CEP192: variants seen among roughly 807,000 people sequenced by gnomAD.
CEP192 encodes centrosomal protein of 192 kDa.
A neutral mutation model predicts 271.8 loss-of-function variants in CEP192; 151 were observed. The observed-to-expected ratio is 0.56, with a 90% confidence interval of 0.49 to 0.64. CEP192 has a LOEUF of 0.64. Among genes scored for constraint, CEP192 ranks in the 30% least tolerant of loss-of-function variants. The pLI is 0.00. For missense variants in CEP192, 2,910 were observed against 3,020.5 expected (o/e 0.96, Z 0.86); for synonymous variants, 995 against 1,076.5 (o/e 0.92, Z 1.48).
chr18:13,107,514 C>CTGATGGACAG (rs1568429822), intron 40 of CEP192, among the ~76,000 whole-genome samples: 4 of 152,168 alleles, frequency 2.6e-5, no homozygotes, highest in Non-Finnish European at 2.9e-5. Flanking sequence ...GCTTGGTTTT[C>CTGATGGACAG]ATTAGCTCCA....
chr18:13,035,473 C>T (rs1452037804), intron 11 of CEP192, among the ~76,000 whole-genome samples: 1 of 152,122 alleles, frequency 6.6e-6, no homozygotes, highest in South Asian at 2.1e-4. Flanking sequence ...CATCAGATCT[C>T]GTGAGACTTA....
chr18:13,093,669 C>T (rs545352595), intron 34 of CEP192, among the ~76,000 whole-genome samples: 7 of 152,338 alleles, frequency 4.6e-5, no homozygotes, highest in African/African-American at 1.4e-4. Context: ...TGCTACATGG[C>T]TTACCCGAAA....
chr18:13,003,820 G>A (rs2033811848), intron 3 of CEP192, among the ~76,000 whole-genome samples: 1 of 152,088 alleles, frequency 6.6e-6, no homozygotes, highest in Non-Finnish European at 1.5e-5. Context: ...CCACTCTCGC[G>A]GTTATGTGGA....
chr18:13,049,563 T>C lies in CEP192; in HGVS notation c.2772T>C (p.Cys924=). The C allele has an allele frequency of 6.2e-7, 1 of 1,613,984 alleles. No homozygotes were observed. Among genetic ancestry groups the C allele is most frequent in the Non-Finnish European group, 8.5e-7 (1 of 1,180,008 alleles). Residue 924 remains cysteine (C), a synonymous_variant, in exon 16 of 45, where the codon TGT becomes TGC. Coordinates refer to ENST00000506447, the MANE Select transcript of CEP192 (RefSeq NM_032142.4). ...RITSLCLLKD[C]EEIRDNRENQ... Reference sequence around the variant, plus strand: ...CATCCCTTTGTCTGTTAAAAGACTGTGAAGAAATACGAGATAACAGAGAAA... The same window carrying C: ...CATCCCTTTGTCTGTTAAAAGACTGCGAAGAAATACGAGATAACAGAGAAA...
Position 13,073,178 on chromosome 18 carries a change from A to G in CEP192, c.5609A>G (p.Lys1870Arg). The G allele has an allele frequency of 6.2e-7, 1 of 1,605,968 alleles. No individual in the cohort carries two copies. The highest frequency in any genetic ancestry group is 8.5e-7 in the Non-Finnish European group (1 of 1,177,422). The change falls in exon 30 of 45, where the codon AAG becomes AGG. Residue 1870 changes from lysine to arginine, a missense_variant. Coordinates refer to ENST00000506447, the MANE Select transcript of CEP192 (RefSeq NM_032142.4). ...QLGNRSQPGI[K>R]FTIPLSGYGG... Reference sequence around the variant, plus strand: ...GGAAATCGATCACAACCAGGCATTAAGTTCACAGTAAGATCATTTTATTGC... The same window carrying G: ...GGAAATCGATCACAACCAGGCATTAGGTTCACAGTAAGATCATTTTATTGC...
intron 1 of CEP192, among the ~76,000 whole-genome samples, chr18:12,992,171 C>G (rs1277945007): frequency 6.6e-6 from 1 of 152,036 alleles, no homozygotes. Flanking sequence ...TCCATTTGCT[C>G]TTACTATTTT....
intron 9 of CEP192, among the ~76,000 whole-genome samples, chr18:13,025,564 G>A (rs2035247236): frequency 6.6e-6 from 1 of 152,122 alleles, no homozygotes; most frequent in South Asian, 2.1e-4. Context: ...TTTTCTCTTT[G>A]TTAGCATATC....
At chr18:13,111,886 G>A (rs560733942) in intron 40 of CEP192, among the ~76,000 whole-genome samples, 1 of 152,304 alleles carries the variant, frequency 6.6e-6, no homozygotes, top group East Asian at 1.9e-4. Context: ...AGAATTCCTA[G>A]TCATTAGCAA....
intron 21 of CEP192, 143 bp downstream of exon 21, chr18:13,059,455 CTTT>C (rs1568354365): frequency 1.6e-6 from 1 of 624,716 alleles, no homozygotes; most frequent in East Asian, 2.8e-5. Flanking sequence ...TTCTTAATAT[CTTT>C]TTATTTCAAA....
intron 1 of CEP192, among the ~76,000 whole-genome samples, chr18:12,998,694 GAT>G (rs1272020883): frequency 1.3e-5 from 2 of 151,924 alleles, no homozygotes; most frequent in Non-Finnish European, 2.9e-5. Context: ...AGCTTTTCCT[GAT>G]TATTTATCTT....
chr18:13,078,831 C>T (rs1475503805), intron 30 of CEP192, among the ~76,000 whole-genome samples: 1 of 152,138 alleles, frequency 6.6e-6, no homozygotes, highest in Non-Finnish European at 1.5e-5. Flanking sequence ...GTTTCCCACC[C>T]AGTGTCCAAG....
At chr18:13,081,577 A>T (rs1228001499) in intron 30 of CEP192, among the ~76,000 whole-genome samples, 1 of 152,060 alleles carries the variant, frequency 6.6e-6, no homozygotes, top group Non-Finnish European at 1.5e-5. Context: ...TGATCTTTTC[A>T]AAAAACCAGC....
chr18:13,013,272 C>G (rs1373718241), intron 5 of CEP192, among the ~76,000 whole-genome samples: 1 of 152,108 alleles, frequency 6.6e-6, no homozygotes, highest in African/African-American at 2.4e-5. Flanking sequence ...TCTGTTTGCT[C>G]TGCTTCACTC....
chr18:13,059,853 C>T (rs907329907), intron 21 of CEP192, among the ~76,000 whole-genome samples: 5 of 152,062 alleles, frequency 3.3e-5, no homozygotes, highest in East Asian at 1.9e-4. Flanking sequence ...TAAATCAGAG[C>T]GAGGGAGGGT....
At chr18:13,046,260 G>A (rs77913047) in intron 15 of CEP192, among the ~76,000 whole-genome samples, 5,302 of 152,158 alleles carry the variant, frequency 0.035, 107 homozygotes, top group Middle Eastern at 0.11. Flanking sequence ...ACTCACTACC[G>A]CAAGATAACA....
chr18:13,056,489 C>G lies in CEP192; in HGVS notation c.3899C>G (p.Ala1300Gly), dbSNP rs573814286. Residue 1300 changes from alanine (A) to glycine (G), a missense_variant, in exon 19 of 45, where the codon GCA (alanine) becomes GGA (glycine). Coordinates refer to ENST00000506447, the MANE Select transcript of CEP192 (RefSeq NM_032142.4). ...FSGGLPYPAV[A>G]GEPVQNSVAV... Reference sequence around the variant, plus strand: ...GGAGGCCTTCCCTATCCAGCTGTTGCAGGAGAGCCTGTGCAGAACTCTGTG... The same window carrying G: ...GGAGGCCTTCCCTATCCAGCTGTTGGAGGAGAGCCTGTGCAGAACTCTGTG... 3.9e-5 allele frequency: 63 copies of G among 1,614,060 alleles called. No homozygotes were observed. In the Admixed American group the frequency reaches 9.0e-4, roughly 23 times the overall value.
rs754544947 is a variant in CEP192, at chr18:13,059,227, C to G, written c.4403C>G (p.Ser1468Trp). The G allele has an allele frequency of 1.2e-6, 2 of 1,614,004 alleles. No homozygotes were observed. Among genetic ancestry groups the G allele is most frequent in the South Asian group, 2.2e-5 (2 of 91,084 alleles). ...TTCAGTGTTGCTTCTTGGCCATGTT[C>G]GACAGATGCTGAGACCATCGTACAG... ...CTFSVASWPC[S>W]TDAETIVQAE... The change falls in exon 21 of 45, where the codon TCG becomes TGG. Residue 1468 changes from serine to tryptophan, a missense_variant. Coordinates refer to ENST00000506447, the MANE Select transcript of CEP192 (RefSeq NM_032142.4).
Position 13,013,020 on chromosome 18 carries a change from C to G in CEP192, c.514C>G (p.Pro172Ala). Residue 172 changes from proline (P) to alanine (A), a missense_variant, in exon 5 of 45, where the codon CCC becomes GCC. Pro to Ala is a conservative substitution (Grantham distance 27, BLOSUM62 -1). Transcript: ENST00000506447. ...HLQSWMNNKE[P>A]KIVVLDAGKH... Reference sequence around the variant, plus strand: ...ACAGTCATGGATGAATAATAAGGAACCCAAGGTAACCTTTTATATATTTGG... The same window carrying G: ...ACAGTCATGGATGAATAATAAGGAAGCCAAGGTAACCTTTTATATATTTGG... 1 of 1,459,266 alleles carries G rather than the reference C, an allele frequency of 6.9e-7. No homozygotes were observed. Among genetic ancestry groups the G allele is most frequent in the Non-Finnish European group, 9.4e-7 (1 of 1,065,724 alleles). The allele number at this position is 1,459,266 out of a possible 1,614,324, so 90.4% of individuals were successfully genotyped here.
intron 44 of CEP192, among the ~76,000 whole-genome samples, chr18:13,123,178 G>C (rs541910840): frequency 1.3e-5 from 2 of 151,918 alleles, no homozygotes; most frequent in Non-Finnish European, 2.9e-5. Context: ...TAGGCAAATG[G>C]TACTATATTT....
Sources: gnomAD v4.1 joint callset for allele counts (sites outside exome capture counted in the v4.1 genomes callset) on GRCh38, gnomAD v4.1.1 for gene constraint, MANE v1.5 for transcripts, NCBI Gene and HGNC (gene_info 2026-07-23, HGNC 2026-07-21) for gene names.